Variants in SIRPG observed in about 807,000 individuals in gnomAD.
SIRPG encodes the protein signal-regulatory protein gamma.
Under a neutral mutation model 35.7 loss-of-function variants are expected in SIRPG, and 38 were observed. That is an observed-to-expected ratio of 1.06 (90% CI 0.82 to 1.40). The LOEUF is 1.40. Among genes scored for constraint, SIRPG ranks in the 40% most tolerant of loss-of-function variants. The probability of loss-of-function intolerance (pLI) is 0.00; values close to 1 mark genes in which losing one functional copy is unlikely to be tolerated. For missense variants in SIRPG, 519 were observed against 483.0 expected (o/e 1.07, Z -0.70); for synonymous variants, 215 against 190.4 (o/e 1.13, Z -1.06).
intron 2 of SIRPG, chr20:1,646,290 CT>C (rs2091896875): frequency 6.6e-6 from 1 of 152,242 alleles, no homozygotes; most frequent in South Asian, 2.1e-4. Context: ...CCCAGATACA[CT>C]GTGGCCAGAA....
chr20:1,643,159 T>G (rs1419572237), intron 2 of SIRPG, among the ~76,000 whole-genome samples: 13 of 152,180 alleles, frequency 8.5e-5, no homozygotes, highest in Non-Finnish European at 5.9e-5. Context: ...TATCCTGAAG[T>G]GTGTTTTCCA....
At chr20:1,674,598 G>A in the SIRPG span, among the ~76,000 whole-genome samples, 5 of 152,214 alleles carry the variant, frequency 3.3e-5, no homozygotes, top group Admixed American at 1.3e-4. Context: ...ACTGTTCTGC[G>A]GAAGCTCAGT....
At chr20:1,663,511 T>C in the SIRPG span, among the ~76,000 whole-genome samples, 2 of 152,186 alleles carry the variant, frequency 1.3e-5, no homozygotes, top group Non-Finnish European at 2.9e-5. Context: ...TGTCAAACTT[T>C]AAGGAATTTT....
chr20:1,664,300 G>A, the SIRPG span, among the ~76,000 whole-genome samples: 1 of 152,160 alleles, frequency 6.6e-6, no homozygotes, highest in South Asian at 2.1e-4. Flanking sequence ...CTTAAACAAA[G>A]AGGAAAGAGA....
chr20:1,665,456 T>TA, the SIRPG span: 5 of 152,622 alleles, frequency 3.3e-5, no homozygotes, highest in African/African-American at 1.2e-4. Flanking sequence ...GGCCTCCGCT[T>TA]ACCCCATCCA....
chr20:1,683,901 G>A, the SIRPG span, among the ~76,000 whole-genome samples: 1 of 150,286 alleles, frequency 6.7e-6, no homozygotes, highest in Non-Finnish European at 1.5e-5. Context: ...CCCAGGTGGT[G>A]GAGGCTGCAG....
chr20:1,650,965 A>G (rs562518999), intron 1 of SIRPG, among the ~76,000 whole-genome samples: 47 of 152,310 alleles, frequency 3.1e-4, no homozygotes, highest in African/African-American at 1.1e-3. Flanking sequence ...GATATGTTCA[A>G]AATGCTGAAA....
chr20:1,661,176 C>T (rs1295580921), upstream of SIRPG, among the ~76,000 whole-genome samples: 1 of 152,064 alleles, frequency 6.6e-6, no homozygotes, highest in Admixed American at 6.5e-5. Flanking sequence ...GATCCTCTGC[C>T]CTCAAGAATT....
Position 1,635,417 on chromosome 20 carries a change from T to A in SIRPG, c.931A>T (p.Thr311Ser). The change falls in exon 4 of 6, where the codon ACA becomes TCA. Residue 311 changes from threonine (T) to serine (S), a missense_variant. Transcript: ENST00000303415. Reference protein sequence around the residue: ...TENKDGTYNWTSWFLVNISDQ... With the variant: ...TENKDGTYNWSSWFLVNISDQ... ...GATATGTTCACCAGGAACCAGCTTG[T>A]CCAGTTGTAGGTACCATCCTTGTTC... 1 of 1,614,128 alleles carries A rather than the reference T, an allele frequency of 6.2e-7. No individual in the cohort carries two copies. The highest frequency in any genetic ancestry group is 8.5e-7 in the Non-Finnish European group (1 of 1,180,006).
the SIRPG span, chr20:1,671,104 G>A: frequency 7.0e-6 from 3 of 427,220 alleles, no homozygotes; most frequent in South Asian, 5.6e-5. Flanking sequence ...GGTGTTTCAG[G>A]GGGAGAAGCC....
rs2091799892 is a variant in SIRPG, at chr20:1,636,247, TG to T, written c.688del (p.His230MetfsTer32). 1 of 1,614,060 alleles carries T rather than the reference TG, an allele frequency of 6.2e-7. No homozygotes were observed. Among genetic ancestry groups the T allele is most frequent in the East Asian group, 2.2e-5 (1 of 44,886 alleles). The stretch of plus-strand genomic sequence containing the variant: ...AAGAGGGTCCCCCTGCAAGGTGACA[TG>T]GGCCACCTCGCAGATGACCTGAGAG... ...VRSQVICEVA[H>X]VTLQGDPLRG... is the part of the protein sequence containing the mutation. On this transcript the variant is annotated frameshift_variant, in exon 3 of 6. Coordinates refer to ENST00000303415, the MANE Select transcript of SIRPG (RefSeq NM_018556.4). LOFTEE classifies it high-confidence loss of function.
At chr20:1,637,337 G>C (rs1436018198) in intron 2 of SIRPG, 1 of 204,764 alleles carries the variant, frequency 4.9e-6, no homozygotes, top group Non-Finnish European at 1.1e-5. Flanking sequence ...GGATAACAAT[G>C]GACTGAAGTC....
At chr20:1,665,220 C>T in the SIRPG span, 4 of 156,658 alleles carry the variant, frequency 2.6e-5, no homozygotes, top group South Asian at 3.9e-4. Context: ...GAGCTGGGCC[C>T]TCCGGCTGGC....
At chr20:1,635,216 C>T (rs1163955525) in intron 4 of SIRPG, 51 bp downstream of exon 4, 3 of 1,448,792 alleles carry the variant, frequency 2.1e-6, no homozygotes, top group African/African-American at 1.4e-5. Flanking sequence ...GTGGATATTA[C>T]TTTTAAAATG....
At chr20:1,667,625 A>G in the SIRPG span, among the ~76,000 whole-genome samples, 1 of 152,182 alleles carries the variant, frequency 6.6e-6, no homozygotes, top group Non-Finnish European at 1.5e-5. Flanking sequence ...GCTCCCTTTA[A>G]GGGAGTCTTC....
At chr20:1,661,348 G>T (rs2091995261), upstream of SIRPG, among the ~76,000 whole-genome samples, 1 of 152,092 alleles carries the variant, frequency 6.6e-6, no homozygotes, top group African/African-American at 2.4e-5. Flanking sequence ...CCCCAGTAAG[G>T]GTCTACTCAA....
At position 1,636,477 on chromosome 20, in the gene SIRPG, G is replaced by C. The variant is rs1404700586; in HGVS notation, c.459C>G (p.Gly153=). 6.2e-7 allele frequency: 1 copy of C among 1,614,230 alleles called. No individual in the cohort carries two copies. The highest frequency in any genetic ancestry group is 1.1e-5 in the South Asian group (1 of 91,088). ...GAKPSAPVVL[G]PAARTTPEHT... is the part of the protein sequence containing the mutation. ...GCTCAGGTGTGGTCCTCGCCGCAGG[G>C]CCCAATACCACGGGGGCAGAGGGTT... The change falls in exon 3 of 6, where the codon GGC becomes GGG. Residue 153 remains glycine, a synonymous_variant. Coordinates refer to ENST00000303415, the MANE Select transcript of SIRPG (RefSeq NM_018556.4).
the SIRPG span, among the ~76,000 whole-genome samples, chr20:1,681,123 A>C: frequency 2.0e-5 from 3 of 152,126 alleles, no homozygotes; most frequent in African/African-American, 7.2e-5. Context: ...TGGAGAAAAT[A>C]AATTTCCCAT....
chr20:1,670,365 G>A, the SIRPG span: 1 of 167,132 alleles, frequency 6.0e-6, no homozygotes. Flanking sequence ...CATGCATCAG[G>A]TGCTCAGACA....
Sources: allele counts gnomAD v4.1 joint callset (sites outside exome capture counted in the v4.1 genomes callset), GRCh38; gene constraint gnomAD v4.1.1; transcripts MANE v1.5; gene names NCBI Gene and HGNC (gene_info 2026-07-23, HGNC 2026-07-21).